CHLSN: variants seen among roughly 807,000 people sequenced by gnomAD.
CHLSN encodes protein cholesin.
the CHLSN span, among the ~76,000 whole-genome samples, chr7:1,001,502 T>G: frequency 1.4e-4 from 7 of 51,044 alleles, no homozygotes; most frequent in Admixed American, 2.5e-4. Context: ...TGCGGGTGAG[T>G]GGAGTCCTGT....
the CHLSN span, chr7:1,055,166 C>A: frequency 2.2e-6 from 1 of 457,488 alleles, no homozygotes; most frequent in South Asian, 1.6e-5. Context: ...GTTTGCAGTG[C>A]GGTCCCGTCC....
At chr7:1,123,720 CCT>C in the CHLSN span, among the ~76,000 whole-genome samples, 1 of 152,036 alleles carries the variant, frequency 6.6e-6, no homozygotes, top group Non-Finnish European at 1.5e-5. The surrounding 1 kb of genome is among the most constrained non-coding windows in gnomAD (Gnocchi z 4.4). Context: ...AACATGAGCC[CCT>C]GAGCCCCCAC....
At chr7:999,715 G>GC in the CHLSN span, among the ~76,000 whole-genome samples, 1 of 152,284 alleles carries the variant, frequency 6.6e-6, no homozygotes, top group Non-Finnish European at 1.5e-5. Flanking sequence ...GGAGAAAACC[G>GC]CCCCCTGCCC....
chr7:1,000,640 T>A, the CHLSN span: 1 of 1,060,716 alleles, frequency 9.4e-7, no homozygotes, highest in South Asian at 1.4e-5. Context: ...CGCCTCATCT[T>A]AGGAGAGGGA....
At chr7:1,103,770 CCT>C in the CHLSN span, among the ~76,000 whole-genome samples, 77 of 152,368 alleles carry the variant, frequency 5.1e-4, no homozygotes, top group African/African-American at 1.6e-3. Flanking sequence ...CTCCCCAGCC[CCT>C]GAGACGGGTC....
the CHLSN span, among the ~76,000 whole-genome samples, chr7:1,127,838 C>CG: frequency 1.2e-5 from 1 of 84,856 alleles, no homozygotes; most frequent in South Asian, 3.2e-4. Flanking sequence ...TGCAGTGGCA[C>CG]AATCTCGGCT....
chr7:1,032,994 C>T, the CHLSN span, among the ~76,000 whole-genome samples: 9 of 152,194 alleles, frequency 5.9e-5, no homozygotes, highest in African/African-American at 1.4e-4. Context: ...TGTGCACTCG[C>T]GGTGCGGACC....
At chr7:1,016,332 GCAGCACACAGCAGCGCACGC>G in the CHLSN span, among the ~76,000 whole-genome samples, 1 of 49,132 alleles carries the variant, frequency 2.0e-5, no homozygotes, top group Non-Finnish European at 3.5e-5. Flanking sequence ...CAGCAGCACA[GCAGCACACAGCAGCGCACGC>G]CAGCGCACAG....
chr7:1,001,089 G>A, the CHLSN span, among the ~76,000 whole-genome samples: 2 of 152,302 alleles, frequency 1.3e-5, no homozygotes, highest in South Asian at 2.1e-4. Context: ...TAGGGCCTGT[G>A]GACATCAGGC....
the CHLSN span, among the ~76,000 whole-genome samples, chr7:994,974 C>T: frequency 2.6e-5 from 4 of 152,270 alleles, no homozygotes; most frequent in Non-Finnish European, 5.9e-5. Context: ...GCCCTCTCCA[C>T]AGTGAGGAGC....
At chr7:1,077,059 G>A in the CHLSN span, among the ~76,000 whole-genome samples, 2 of 152,272 alleles carry the variant, frequency 1.3e-5, no homozygotes, top group Admixed American at 1.3e-4. Context: ...CTCTTAGCTC[G>A]AGACTGTACG....
chr7:1,007,703 T>C, the CHLSN span, among the ~76,000 whole-genome samples: 12,699 of 152,146 alleles, frequency 0.083, 697 homozygotes, highest in South Asian at 0.16. Context: ...GAGTCCCCCC[T>C]CCTCCCACAC....
the CHLSN span, chr7:1,127,392 A>C: frequency 5.6e-6 from 9 of 1,598,956 alleles, no homozygotes; most frequent in Admixed American, 1.0e-4. Flanking sequence ...CCATCCTGCA[A>C]CAGAGAAAGT....
At chr7:1,021,913 G>A in the CHLSN span, among the ~76,000 whole-genome samples, 1 of 152,192 alleles carries the variant, frequency 6.6e-6, no homozygotes, top group African/African-American at 2.4e-5. Flanking sequence ...AGCCTGAGGG[G>A]CACCCAGGGC....
the CHLSN span, among the ~76,000 whole-genome samples, chr7:1,120,332 G>T: frequency 2.6e-5 from 4 of 152,056 alleles, no homozygotes; most frequent in South Asian, 6.2e-4. Flanking sequence ...TTTAGACAGG[G>T]TCTCGCTCTG....
At chr7:1,136,115 CATAA>C in the CHLSN span, among the ~76,000 whole-genome samples, 6,799 of 74,026 alleles carry the variant, frequency 0.092, 742 homozygotes, top group African/African-American at 0.27. Context: ...AATATATATA[CATAA>C]ATATATATAA....
chr7:1,004,768 A>G, the CHLSN span, among the ~76,000 whole-genome samples: 1 of 152,146 alleles, frequency 6.6e-6, no homozygotes, highest in Non-Finnish European at 1.5e-5. Flanking sequence ...GCCTGACACA[A>G]TCCTCTTTCT....
chr7:1,076,202 T>C, the CHLSN span: 3 of 152,532 alleles, frequency 2.0e-5, no homozygotes, highest in Non-Finnish European at 4.4e-5. Flanking sequence ...GCATCAGACC[T>C]GCTAGAAGGG....
At chr7:1,093,880 G>A in the CHLSN span, 1 of 340,510 alleles carries the variant, frequency 2.9e-6, no homozygotes. Flanking sequence ...GGGGCACTCG[G>A]GAGAATCCCT....
Sources: gnomAD v4.1 joint callset for allele counts (sites outside exome capture counted in the v4.1 genomes callset) on GRCh38, gnomAD v4.1.1 for gene constraint, Gnocchi (gnomAD v3.1) non-coding constraint, MANE v1.5 for transcripts, NCBI Gene and HGNC (gene_info 2026-07-23, HGNC 2026-07-21) for gene names.